KLK12: variants seen among roughly 807,000 people sequenced by gnomAD.
KLK12 encodes the protein kallikrein-12.
KLK12 carries 23 observed loss-of-function variants against 20.0 expected under a neutral mutation model. The ratio of observed to expected loss-of-function variants is 1.15; its 90% confidence interval spans 0.83 to 1.63. The LOEUF (loss-of-function observed/expected upper bound fraction) is 1.63, where lower values mean the gene tolerates loss of function less well. Among genes scored for constraint, KLK12 ranks in the 40% most tolerant of loss-of-function variants. The pLI is 0.00. For missense variants in KLK12, 351 were observed against 338.6 expected (o/e 1.04, Z -0.29); for synonymous variants, 147 against 141.9 (o/e 1.04, Z -0.25).
In KLK12 at chr19:51,034,878, C is replaced by T. The variant is rs914647509; in HGVS notation, c.-92G>A. On this transcript the variant is annotated 5_prime_UTR_variant, in exon 1 of 6. Transcript: ENST00000684732. ...CCTGTCCTCGTCGCTGCTATCTCTC[C>T]GTCCACCTACCTGCCTGTCTTCTCA... 35 of 1,377,656 alleles carry T rather than the reference C, an allele frequency of 2.5e-5. No individual in the cohort carries two copies. The East Asian group carries it at 4.0e-4, about 16-fold the overall frequency. 85.3% of individuals were successfully genotyped at this position (1,377,656 alleles called of 1,614,324 possible). A position where few individuals can be genotyped will look rare whatever the true frequency, so the allele number is the denominator to read the frequency against.
In KLK12 at chr19:51,030,796, CA is replaced by C; in HGVS notation, c.582del (p.Asp194GlufsTer50). Reference sequence around the variant, plus strand: ...TGCCTGCACTGGCTCACCTGGCAGGCATCCTGCCCCGGGACGCCGCCTGCAC... The same window carrying C: ...TGCCTGCACTGGCTCACCTGGCAGGCTCCTGCCCCGGGACGCCGCCTGCAC... ...MVCAGGVPGQ[D>X]ACQGDSGGPL... On this transcript the variant is annotated frameshift_variant, in exon 5 of 6. Transcript: ENST00000684732. LOFTEE classifies it low-confidence loss of function (END_TRUNC). 1 of 1,613,728 alleles carries C rather than the reference CA, an allele frequency of 6.2e-7. No homozygotes were observed. Among genetic ancestry groups the C allele is most frequent in the Non-Finnish European group, 8.5e-7 (1 of 1,180,024 alleles).
At chr19:51,031,044 A>G in intron 4 of KLK12, 123 bp from the exon 5 acceptor site, 1 of 1,088,330 alleles carries the variant, frequency 9.2e-7, no homozygotes, top group Non-Finnish European at 1.4e-6. Context: ...CTGTACTACA[A>G]TCCCGAAACC....
At chr19:51,033,930 C>T (rs753669347) in intron 3 of KLK12, 50 bp downstream of exon 3, 19 of 1,566,524 alleles carry the variant, frequency 1.2e-5, no homozygotes, top group Admixed American at 7.0e-5. Flanking sequence ...CTACCCCCAG[C>T]GCTTGCCTTC....
In KLK12 at chr19:51,029,378, T is replaced by C. The variant is rs1486923075; in HGVS notation, c.671A>G (p.Gln224Arg). ...GGTGTAGACTCCAGGGATGCCATCTTGTCCACAGGGCCCCACAGACCCCCA... is the reference window on the plus strand; with the variant it reads ...GGTGTAGACTCCAGGGATGCCATCTCGTCCACAGGGCCCCACAGACCCCCA... ...VSWGSVGPCG[Q>R]DGIPGVYTYI... The change falls in exon 6 of 6, where the codon CAA becomes CGA. Residue 224 changes from glutamine (Q) to arginine (R), a missense_variant. Transcript: ENST00000684732. 1.9e-6 allele frequency: 3 copies of C among 1,613,998 alleles called. No homozygotes were observed. Among genetic ancestry groups the C allele is most frequent in the Non-Finnish European group, 2.5e-6 (3 of 1,179,896 alleles).
At position 51,034,789 on chromosome 19, in the gene KLK12, G is replaced by T. The variant is rs184605278; in HGVS notation, c.-20+17C>A. 2 of 1,488,502 alleles carry T rather than the reference G, an allele frequency of 1.3e-6. No homozygotes were observed. Among genetic ancestry groups the T allele is most frequent in the Non-Finnish European group, 1.8e-6 (2 of 1,118,836 alleles). The allele number at this position is 1,488,502 out of a possible 1,614,324, so 92.2% of individuals were successfully genotyped here. A position where few individuals can be genotyped will look rare whatever the true frequency, so the allele number is the denominator to read the frequency against. On this transcript the variant is annotated intron_variant, in intron 1 of 5. Transcript: ENST00000684732. ...GTGTGTCACTCCCTCATTGGCAGTC[G>T]CCTACCTCCTTCTCACCTTGTCTCT...
chr19:51,029,198 C>T lies in KLK12; in HGVS notation c.*104G>A. The T allele has an allele frequency of 6.2e-7, 1 of 1,614,080 alleles. No homozygotes were observed. The highest frequency in any genetic ancestry group is 1.3e-5 in the African/African-American group (1 of 74,964). ...GTTAAAGTTCCAAGAAGTTCCCAGGCCAACAAGAGTGGAGCTAGGGGAAGT... is the reference window on the plus strand; with the variant it reads ...GTTAAAGTTCCAAGAAGTTCCCAGGTCAACAAGAGTGGAGCTAGGGGAAGT... On this transcript the variant is annotated 3_prime_UTR_variant, in exon 6 of 6. Transcript: ENST00000684732.
intron 2 of KLK12, 47 bp downstream of exon 2, chr19:51,034,538 G>T: frequency 6.3e-7 from 1 of 1,597,224 alleles, no homozygotes; most frequent in Non-Finnish European, 8.5e-7. Flanking sequence ...TGGGGGTGAA[G>T]GGATCCAGTC....
intron 4 of KLK12, 122 bp from the exon 5 acceptor site, chr19:51,031,043 A>G: frequency 9.0e-7 from 1 of 1,112,922 alleles, no homozygotes; most frequent in Middle Eastern, 2.0e-4. Flanking sequence ...CCTGTACTAC[A>G]ATCCCGAAAC....
In KLK12 at chr19:51,029,435, AC is replaced by A. The variant is rs2091528262; in HGVS notation, c.613del (p.Val205CysfsTer39). On this transcript the variant is annotated frameshift_variant, in exon 6 of 6. Transcript: ENST00000684732. LOFTEE classifies it low-confidence loss of function (END_TRUNC). ...ACQGDSGGPL[V>X]CGGVLQGLVS... ...CAGACCTTGAAGGACTCCCCCACAC[AC>A]CAGGGGGCCCCCAGAATCACCCTGG... is the stretch of plus-strand genomic sequence containing the variant. The A allele has an allele frequency of 6.2e-7, 1 of 1,612,420 alleles. No homozygotes were observed. Among genetic ancestry groups the A allele is most frequent in the African/African-American group, 1.3e-5 (1 of 74,984 alleles).
At chr19:51,030,648 C>T in intron 5 of KLK12, 140 bp downstream of exon 5, 1 of 1,236,462 alleles carries the variant, frequency 8.1e-7, no homozygotes, top group Non-Finnish European at 1.2e-6. Flanking sequence ...CCGTAACCAG[C>T]CTCTCCCTTC....
chr19:51,030,956 A>T (rs1226569626), intron 4 of KLK12, 35 bp from the exon 5 acceptor site: 1 of 1,613,568 alleles, frequency 6.2e-7, no homozygotes, highest in African/African-American at 1.3e-5. Context: ...AGGGTCCCCT[A>T]AATCTCCCCA....
rs746675766 is a variant in KLK12, at chr19:51,029,410, C to G, written c.639G>C (p.Leu213=). The G allele has an allele frequency of 6.2e-7, 1 of 1,613,794 alleles. No individual in the cohort carries two copies. Among genetic ancestry groups the G allele is most frequent in the East Asian group, 2.2e-5 (1 of 44,874 alleles). The change falls in exon 6 of 6, where the codon CTG becomes CTC. Residue 213 remains leucine, a synonymous_variant. Coordinates refer to ENST00000684732, the MANE Select transcript of KLK12 (RefSeq NM_001370125.1). ...PLVCGGVLQG[L]VSWGSVGPCG... Reference sequence around the variant, plus strand: ...AGGGCCCCACAGACCCCCAGGACACCAGACCTTGAAGGACTCCCCCACACA... The same window carrying G: ...AGGGCCCCACAGACCCCCAGGACACGAGACCTTGAAGGACTCCCCCACACA...
intron 4 of KLK12, 135 bp downstream of exon 4, chr19:51,031,741 C>G (rs1485597355): frequency 9.6e-7 from 1 of 1,043,438 alleles, no homozygotes; most frequent in South Asian, 1.3e-5. Context: ...GACCCCAAAC[C>G]ATGATCCTGA....
In KLK12 at chr19:51,034,105, A is replaced by G; in HGVS notation, c.72T>C (p.Asn24=). ...LSQAATPKIF[N]GTECGRNSQP... is the part of the protein sequence containing the mutation. ...GTGAGTTACGCCCACACTCAGTGCC[A>G]TTGAAAATCTTCGGTGTGGCTGCCT... Residue 24 remains asparagine (N), a synonymous_variant, in exon 3 of 6, where the codon AAT becomes AAC. Coordinates refer to ENST00000684732, the MANE Select transcript of KLK12 (RefSeq NM_001370125.1). The G allele has an allele frequency of 6.4e-7, 1 of 1,559,154 alleles. No homozygotes were observed. The highest frequency in any genetic ancestry group is 8.7e-7 in the Non-Finnish European group (1 of 1,150,952).
chr19:51,034,266 A>G, intron 2 of KLK12, 127 bp from the exon 3 acceptor site: 1 of 1,239,092 alleles, frequency 8.1e-7, no homozygotes, highest in Admixed American at 2.0e-5. Flanking sequence ...AAGAGAGAGA[A>G]AGAGAGAGAG....
Position 51,030,870 on chromosome 19 carries a change from G to T in KLK12, c.509C>A (p.Ala170Asp), listed in dbSNP as rs2091550696. 4.3e-6 allele frequency: 7 copies of T among 1,614,002 alleles called. No homozygotes were observed. In the South Asian group the frequency reaches 7.7e-5, roughly 18 times the overall value. Residue 170 changes from alanine to aspartate, a missense_variant, in exon 5 of 6, where the codon GCC becomes GAC. Physicochemically the swap from Ala to Asp is moderately radical, Grantham distance 126. Transcript: ENST00000684732. ...CCCGGGATACACACCATGGCAGGTG[G>T]CATGGGAGACGATGGAGAGGTTGAG... The part of the protein sequence containing the change: ...QCLNLSIVSH[A>D]TCHGVYPGRI...
rs869282785 is a variant in KLK12 at position 51,032,381 on chromosome 19, C to CTTT, written c.198-249_198-247dup. 7.2e-3 allele frequency among the ~76,000 whole-genome samples: 834 copies of CTTT among 115,282 alleles called. 40 individuals are homozygous for CTTT. Among genetic ancestry groups the CTTT allele is most frequent in the African/African-American group, 0.028 (802 of 28,478 alleles). 75.6% of individuals were successfully genotyped at this position (115,282 alleles called of 152,430 possible). On this transcript the variant is annotated intron_variant, in intron 3 of 5. Transcript: ENST00000684732. ...CCCTGCATCTGTGTCTCTCTCTCTCCTTTTTTTTTTTTTTTTTTTTTTCAA... is the reference window on the plus strand; with the variant it reads ...CCCTGCATCTGTGTCTCTCTCTCTCCTTTTTTTTTTTTTTTTTTTTTTTTTCAA...
rs1359605154 is a variant in KLK12, at chr19:51,030,920, G to A, written c.459C>T (p.Asn153=). ...GGCACTGGAGCAGATCCGGGAATGG[G>A]TCTGGAGAGAGAACATGCGTGCTGC... The part of the protein sequence containing the change: ...SGWGITNHPR[N]PFPDLLQCLN... Residue 153 remains asparagine (N), a splice_region_variant and synonymous_variant, in exon 5 of 6, where the codon AAC becomes AAT. Transcript: ENST00000684732. The A allele has an allele frequency of 6.2e-7, 1 of 1,613,796 alleles. No individual in the cohort carries two copies. Among genetic ancestry groups the A allele is most frequent in the South Asian group, 1.1e-5 (1 of 91,086 alleles).
chr19:51,034,526 C>T (rs755714169), intron 2 of KLK12, 59 bp downstream of exon 2: 14 of 1,587,096 alleles, frequency 8.8e-6, no homozygotes, highest in Non-Finnish European at 1.0e-5. Flanking sequence ...GGGGCCTCCT[C>T]ATGGGGGTGA....
Sources: allele counts gnomAD v4.1 joint callset (sites outside exome capture counted in the v4.1 genomes callset), GRCh38; gene constraint gnomAD v4.1.1; transcripts MANE v1.5; gene names NCBI Gene and HGNC (gene_info 2026-07-23, HGNC 2026-07-21).